Variants in GSE1 observed in about 807,000 individuals in gnomAD.
The protein encoded by GSE1 is Gse1 coiled-coil protein.
GSE1 carries 32 observed loss-of-function variants against 112.6 expected under a neutral mutation model. The ratio of observed to expected loss-of-function variants is 0.28; its 90% CI spans 0.21 to 0.38. GSE1 has a LOEUF of 0.38. Ranked by LOEUF, GSE1 falls within the 10% of genes least tolerant of loss-of-function variation. The pLI, the probability that GSE1 is intolerant of heterozygous loss-of-function variation, is 1.00. For missense variants in GSE1, 2,348 were observed against 1,699.2 expected, an observed-to-expected ratio of 1.38 and a Z score of -6.71; for synonymous variants, 1,115 against 735.6, an observed-to-expected ratio of 1.52 and a Z score of -8.35.
intron 1 of GSE1, among the ~76,000 whole-genome samples, chr16:85,205,048 C>T (rs180798251): frequency 4.1e-5 from 5 of 122,860 alleles, no homozygotes; most frequent in Admixed American, 2.3e-4. Flanking sequence ...TGTACACGTA[C>T]GTCTTGGCTC....
Position 85,245,955 on chromosome 16 carries a change from G to C in GSE1, c.2283+74148G>C, listed in dbSNP as rs370841132. On this transcript the variant is annotated intron_variant, in intron 1 of 2. Coordinates refer to the GSE1 transcript ENST00000637419. ...TCTGCGTGTGTTAGTTGGGGAGCAG[G>C]GCGTGTGTGTGTGGGGGGCTGTCTG... 1.9e-4 allele frequency among the ~76,000 whole-genome samples: 28 copies of C among 151,170 alleles called. No individual in the cohort carries two copies. The East Asian group carries it at 5.3e-3, about 28-fold the overall frequency.
chr16:85,281,488 A>G (rs1382243851), intron 1 of GSE1, among the ~76,000 whole-genome samples: 1 of 152,142 alleles, frequency 6.6e-6, no homozygotes, highest in African/African-American at 2.4e-5. Flanking sequence ...AGTGTCTTAA[A>G]TGCCAGATGA....
Position 85,663,532 on chromosome 16 carries a change from G to T in GSE1, c.2562G>T (p.Met854Ile). 6.2e-7 allele frequency: 1 copy of T among 1,613,796 alleles called. No homozygotes were observed. The highest frequency in any genetic ancestry group is 8.5e-7 in the Non-Finnish European group (1 of 1,179,962). The change falls in exon 11 of 16, where the codon ATG becomes ATT. Residue 854 changes from methionine (M) to isoleucine (I), a missense_variant. Physicochemically the swap from Met to Ile is conservative, Grantham distance 10. Transcript: ENST00000253458. Reference protein sequence around the residue: ...ALSTRYSPDEMNNSPNFEEKK... With the variant: ...ALSTRYSPDEINNSPNFEEKK... ...CTACCCGCTACAGCCCTGATGAGAT[G>T]AACAACAGTCCCAACTTCGAAGAAA... is the stretch of plus-strand genomic sequence containing the variant.
At chr16:85,611,423 A>C, upstream of GSE1, 1 of 979,878 alleles carries the variant, frequency 1.0e-6, no homozygotes, top group Non-Finnish European at 1.2e-6. Flanking sequence ...TGTGGTGCGT[A>C]AATTATAGCG....
chr16:85,332,011 T>C (rs1221512421), intron 1 of GSE1, among the ~76,000 whole-genome samples: 3 of 152,108 alleles, frequency 2.0e-5, no homozygotes, highest in Non-Finnish European at 4.4e-5. Context: ...CAGAGGGTGC[T>C]TCCTGCCTCA....
Position 85,654,283 on chromosome 16 carries a change from C to A in GSE1, c.432C>A (p.Ala144=). The stretch of plus-strand genomic sequence containing the variant: ...TGGACGCTCTCCTCCCGCAGGATGC[C>A]GGCTCCAGGAGCAGCAGTGGAGGTC... ...GVWRSESRQD[A]GSRSSSGGRE... The change falls in exon 4 of 16, where the codon GCC becomes GCA. Residue 144 remains alanine (A), a synonymous_variant. Coordinates refer to ENST00000253458, the MANE Select transcript of GSE1 (RefSeq NM_014615.5). The A allele has an allele frequency of 1.3e-6, 2 of 1,595,686 alleles. No homozygotes were observed. The highest frequency in any genetic ancestry group is 2.7e-5 in the African/African-American group (2 of 74,250).
intron 1 of GSE1, chr16:85,184,974 C>G (rs2074669898): frequency 6.6e-6 from 1 of 152,152 alleles, no homozygotes; most frequent in African/African-American, 2.4e-5. Flanking sequence ...TTGTCTAGGT[C>G]ATTAACTTTT....
intron 2 of GSE1, among the ~76,000 whole-genome samples, chr16:85,422,080 G>A (rs182481973): frequency 5.3e-5 from 8 of 152,228 alleles, no homozygotes; most frequent in South Asian, 2.1e-4. Flanking sequence ...TGGAAAAGCT[G>A]CACCTCTGAC....
chr16:85,467,237 C>T (rs981063243), intron 2 of GSE1, among the ~76,000 whole-genome samples: 2 of 152,196 alleles, frequency 1.3e-5, no homozygotes, highest in African/African-American at 4.8e-5. Flanking sequence ...AGCCTGGGTT[C>T]GCATCCTGCT....
intron 13 of GSE1, among the ~76,000 whole-genome samples, chr16:85,667,145 C>A (rs2052930430): frequency 6.6e-6 from 1 of 151,346 alleles, no homozygotes; most frequent in Non-Finnish European, 1.5e-5. Flanking sequence ...TACTGAGATG[C>A]CTTTCGAAAC....
chr16:85,413,037 G>A (rs898563766), intron 2 of GSE1, among the ~76,000 whole-genome samples: 5 of 152,186 alleles, frequency 3.3e-5, no homozygotes, highest in Non-Finnish European at 7.3e-5. Flanking sequence ...CTTCTGGAAG[G>A]TTCCGTGCTG....
chr16:85,636,088 G>C (rs1043839125), intron 2 of GSE1, among the ~76,000 whole-genome samples: 1 of 152,272 alleles, frequency 6.6e-6, no homozygotes, highest in African/African-American at 2.4e-5. Context: ...CCCCTGGCGG[G>C]AGGCCAGACA....
chr16:85,260,319 C>CTTTTTTTTTTTTTTTTTTTTTTTT (rs111292010), intron 1 of GSE1, among the ~76,000 whole-genome samples: 11 of 94,868 alleles, frequency 1.2e-4, no homozygotes, highest in Non-Finnish European at 2.0e-4. Flanking sequence ...TTTTTCTTTT[C>CTTTTTTTTTTTTTTTTTTTTTTTT]TTTTTTTTTT....
chr16:85,313,979 AGT>A (rs1440507709), intron 1 of GSE1, among the ~76,000 whole-genome samples: 1 of 141,218 alleles, frequency 7.1e-6, no homozygotes, highest in South Asian at 2.1e-4. Context: ...GACACAGCCT[AGT>A]GTGTGTATGT....
chr16:85,348,760 G>A (rs575141746), intron 1 of GSE1, among the ~76,000 whole-genome samples: 67 of 152,146 alleles, frequency 4.4e-4, no homozygotes, highest in Admixed American at 8.5e-4. Context: ...CAGGAGACTC[G>A]GGCAGCTGCA....
chr16:85,401,343 C>CTGCTATTAT (rs2048110228), intron 2 of GSE1, among the ~76,000 whole-genome samples: 1 of 141,836 alleles, frequency 7.1e-6, no homozygotes, highest in Admixed American at 7.0e-5. Flanking sequence ...TCAGGGAGTA[C>CTGCTATTAT]CCGGGCCATC....
chr16:85,631,153 T>C (rs1279258128), intron 1 of GSE1, among the ~76,000 whole-genome samples: 1 of 152,228 alleles, frequency 6.6e-6, no homozygotes, highest in Non-Finnish European at 1.5e-5. Flanking sequence ...GGTGGGGCTC[T>C]GTCCTGTGCC....
At chr16:85,466,871 C>A (rs1030232517) in intron 2 of GSE1, among the ~76,000 whole-genome samples, 1 of 152,014 alleles carries the variant, frequency 6.6e-6, no homozygotes, top group African/African-American at 2.4e-5. Flanking sequence ...ACCAGCCTGG[C>A]CGAAATGGCG....
intron 1 of GSE1, among the ~76,000 whole-genome samples, chr16:85,578,542 C>T (rs1344629089): frequency 6.6e-6 from 1 of 152,148 alleles, no homozygotes; most frequent in African/African-American, 2.4e-5. Flanking sequence ...GCTGTGGTTA[C>T]TGTTTTTATT....
Sources: allele counts gnomAD v4.1 joint callset (sites outside exome capture counted in the v4.1 genomes callset), GRCh38; gene constraint gnomAD v4.1.1; transcripts MANE v1.5; gene names NCBI Gene and HGNC (gene_info 2026-07-23, HGNC 2026-07-21).